The following LONRF1 variants were observed in gnomAD, a reference collection of about 807,000 sequenced individuals.
LONRF1 encodes LON peptidase N-terminal domain and ring finger 1.
In LONRF1, 37 loss-of-function variants were observed where a neutral mutation model predicts 85.8. The observed-to-expected ratio is 0.43, with a 90% CI of 0.33 to 0.57. LONRF1 has a LOEUF of 0.57. Among genes scored for constraint, LONRF1 ranks in the 20% least tolerant of loss-of-function variants. LONRF1 has a pLI of 0.04. For synonymous variants in LONRF1, 517 were observed against 390.1 expected (o/e 1.33, Z -3.83); for missense variants, 1,036 against 978.0 (o/e 1.06, Z -0.79).
intron 1 of LONRF1, chr8:12,752,919 G>A (rs1482503617): frequency 6.6e-5 from 10 of 152,202 alleles, no homozygotes; most frequent in South Asian, 4.1e-4. Context: ...CTAGACCAAC[G>A]TTTAGGAGAA....
intron 7 of LONRF1, among the ~76,000 whole-genome samples, chr8:12,733,102 G>C (rs1798590292): frequency 6.6e-6 from 1 of 152,138 alleles, no homozygotes; most frequent in Non-Finnish European, 1.5e-5. Flanking sequence ...AAGAATCTAT[G>C]TTTCTAACAA....
At position 12,754,772 on chromosome 8, in the gene LONRF1, T is replaced by A; in HGVS notation, c.649A>T (p.Arg217Trp). 1 of 1,472,204 alleles carries A rather than the reference T, an allele frequency of 6.8e-7. No homozygotes were observed. The highest frequency in any genetic ancestry group is 8.9e-7 in the Non-Finnish European group (1 of 1,120,100). 91.2% of individuals were successfully genotyped at this position (1,472,204 alleles called of 1,614,324 possible). The change falls in exon 1 of 12, where the codon AGG becomes TGG. Residue 217 changes from arginine (R) to tryptophan (W), a missense_variant. Arg to Trp is a moderately radical substitution (Grantham distance 101, BLOSUM62 -3). This residue lies in a region of LONRF1 where 742 missense variants were observed against 614.4 expected (regional missense o/e 1.21). Coordinates refer to ENST00000398246, the MANE Select transcript of LONRF1 (RefSeq NM_152271.5). The stretch of plus-strand genomic sequence containing the variant: ...CCCTGGTGCAGTAGCTCCCCGAGCC[T>A]GCCGGCCGCCCGGGCCCGCTCGCGC... ...GQRERARAAG[R>W]LGELLHQGRY...
Position 12,731,771 on chromosome 8 carries a change from T to C in LONRF1, c.1653A>G (p.Lys551=). The C allele has an allele frequency of 6.2e-7, 1 of 1,613,112 alleles. No individual in the cohort carries two copies. The highest frequency in any genetic ancestry group is 8.5e-7 in the Non-Finnish European group (1 of 1,179,464). ...KYLPDELSER[K]KIYDEETAEL... ...CAGCAGTTTCTTCATCATATATTTT[T>C]TTTCTCTCAGACAGTTCATCAGGCA... Residue 551 remains lysine, a synonymous_variant, in exon 8 of 12, where the codon AAA becomes AAG. Coordinates refer to ENST00000398246, the MANE Select transcript of LONRF1 (RefSeq NM_152271.5).
chr8:12,748,674 CTT>C (rs1254178473), intron 1 of LONRF1, among the ~76,000 whole-genome samples: 1 of 152,084 alleles, frequency 6.6e-6, no homozygotes, highest in East Asian at 1.9e-4. Context: ...ACCTTTAAAA[CTT>C]TGTGTTTATT....
chr8:12,732,936 C>T (rs1483807766), intron 7 of LONRF1, among the ~76,000 whole-genome samples: 2 of 152,112 alleles, frequency 1.3e-5, no homozygotes, highest in Admixed American at 6.6e-5. Context: ...TCAGTAAAAG[C>T]AAGGGTTTTG....
intron 1 of LONRF1, among the ~76,000 whole-genome samples, chr8:12,751,079 G>C (rs188590671): frequency 7.9e-5 from 12 of 152,044 alleles, no homozygotes; most frequent in Non-Finnish European, 1.6e-4. Flanking sequence ...TCGGAGAGAG[G>C]CGAGGGCTGC....
Position 12,754,921 on chromosome 8 carries a change from G to T in LONRF1, c.500C>A (p.Ala167Asp), listed in dbSNP as rs949621963. 2 of 1,490,334 alleles carry T rather than the reference G, an allele frequency of 1.3e-6. No individual in the cohort carries two copies. Among genetic ancestry groups the T allele is most frequent in the Non-Finnish European group, 1.8e-6 (2 of 1,124,354 alleles). The allele number at this position is 1,490,334 out of a possible 1,614,324, so 92.3% of individuals were successfully genotyped here. A position where few individuals can be genotyped will look rare whatever the true frequency, so the allele number is the denominator to read the frequency against. ...LCRDRLPPAT[A>D]SATDAEGTAP... ...GGTCCCTTCAGCATCAGTGGCACTG[G>T]CGGTGGCGGGCGGCAGCCGGTCCCG... The change falls in exon 1 of 12, where the codon GCC becomes GAC. Residue 167 changes from alanine to aspartate, a missense_variant. Transcript: ENST00000398246.
rs190408489 is a variant in LONRF1, at chr8:12,734,759, A to G, written c.1566+527T>C. ...CATGTGCCTACTTAAATTTAAGTTA[A>G]TAAAATGTAAATATAGTTCCTCAGT... On this transcript the variant is annotated intron_variant, in intron 7 of 11. Coordinates refer to ENST00000398246, the MANE Select transcript of LONRF1 (RefSeq NM_152271.5). Among the ~76,000 whole-genome samples the G allele has an allele frequency of 3.3e-4, 50 of 152,344 alleles. 1 individual carries two copies. The highest frequency in any genetic ancestry group is 1.1e-3 in the African/African-American group (47 of 41,576).
chr8:12,729,808 A>C (rs1424602375), intron 8 of LONRF1, among the ~76,000 whole-genome samples: 1 of 152,238 alleles, frequency 6.6e-6, no homozygotes. Context: ...CGCAAGGATA[A>C]GAAAACATAT....
intron 1 of LONRF1, among the ~76,000 whole-genome samples, 157 bp from the exon 2 acceptor site, chr8:12,743,439 C>T (rs1448299712): frequency 6.6e-6 from 1 of 152,130 alleles, no homozygotes; most frequent in Non-Finnish European, 1.5e-5. Flanking sequence ...AGGCACAACC[C>T]ATTTTACGTG....
intron 11 of LONRF1, 63 bp downstream of exon 11, chr8:12,725,664 A>G (rs1798269398): frequency 1.3e-6 from 2 of 1,502,362 alleles, no homozygotes; most frequent in Admixed American, 3.7e-5. Flanking sequence ...AAACAAATGT[A>G]GAAGTGTGCA....
chr8:12,753,631 C>G (rs1310512642), intron 1 of LONRF1: 2 of 152,088 alleles, frequency 1.3e-5, no homozygotes, highest in Non-Finnish European at 2.9e-5. Flanking sequence ...AATAATGCCC[C>G]CTGAGAGAGG....
intron 7 of LONRF1, among the ~76,000 whole-genome samples, chr8:12,732,356 T>C (rs984937028): frequency 1.1e-4 from 16 of 152,342 alleles, no homozygotes; most frequent in African/African-American, 2.9e-4. Context: ...TCACCCACTA[T>C]TGAGTAGAGG....
At chr8:12,724,962 A>G (rs1798232154) in intron 11 of LONRF1, among the ~76,000 whole-genome samples, 2 of 152,376 alleles carry the variant, frequency 1.3e-5, no homozygotes, top group African/African-American at 2.4e-5. Flanking sequence ...TTATCTCTCC[A>G]TCTTCACATA....
rs1260068102 is a variant in LONRF1, at chr8:12,740,764, T to C, written c.963+110A>G. ...CAAATTATCACATTTGTTCCTAAGT[T>C]AGATTTATTTACTACTTATGTTCTT... On this transcript the variant is annotated intron_variant, in intron 3 of 11. Transcript: ENST00000398246. 5 of 1,332,404 alleles carry C rather than the reference T, an allele frequency of 3.8e-6. No homozygotes were observed. The Admixed American group carries it at 6.8e-5, about 18-fold the overall frequency. The allele number at this position is 1,332,404 out of a possible 1,614,324, so 82.5% of individuals were successfully genotyped here.
chr8:12,741,112 A>G (rs1429809054), intron 2 of LONRF1, 116 bp from the exon 3 acceptor site: 4 of 1,090,818 alleles, frequency 3.7e-6, no homozygotes, highest in Non-Finnish European at 5.3e-6. Flanking sequence ...GGCCGGGTGC[A>G]GTAGCTCACG....
chr8:12,731,594 T>C, intron 8 of LONRF1, 142 bp downstream of exon 8: 1 of 637,310 alleles, frequency 1.6e-6, no homozygotes, highest in South Asian at 2.6e-5. Context: ...TATAAGATTC[T>C]GTCTGTTGAG....
intron 7 of LONRF1, among the ~76,000 whole-genome samples, chr8:12,732,436 C>T (rs372218790): frequency 6.6e-6 from 1 of 152,232 alleles, no homozygotes; most frequent in African/African-American, 2.4e-5. Context: ...CACTCAGACC[C>T]TTATCAAGAT....
chr8:12,750,310 T>G (rs891565631), intron 1 of LONRF1, among the ~76,000 whole-genome samples: 1 of 152,218 alleles, frequency 6.6e-6, no homozygotes, highest in African/African-American at 2.4e-5. Flanking sequence ...CATAAATAAG[T>G]TAGCAAGAGC....
Sources: gnomAD v4.1 joint callset for allele counts (sites outside exome capture counted in the v4.1 genomes callset) on GRCh38, gnomAD v4.1.1 for gene constraint, gnomAD v4.1.1 regional missense constraint, MANE v1.5 for transcripts, NCBI Gene and HGNC (gene_info 2026-07-23, HGNC 2026-07-21) for gene names.